Variants in GPLD1 observed in about 807,000 individuals in gnomAD.
The protein encoded by GPLD1 is phosphatidylinositol-glycan-specific phospholipase D.
In GPLD1, 84 loss-of-function variants were observed where a neutral mutation model predicts 112.6. That is an observed-to-expected ratio of 0.75 (90% CI 0.63 to 0.89). GPLD1 has a LOEUF of 0.89. Among genes scored for constraint, GPLD1 ranks in the 40% least tolerant of loss-of-function variants. GPLD1 has a pLI of 0.00. For synonymous variants in GPLD1, 386 were observed against 403.8 expected (o/e 0.96, Z 0.53); for missense variants, 1,044 against 1,051.5 (o/e 0.99, Z 0.10).
At position 24,426,562 on chromosome 6, in the gene GPLD1, C is replaced by T. The variant is rs74924371; in HGVS notation, c.*2470G>A. 2.7e-3 allele frequency among the ~76,000 whole-genome samples: 405 copies of T among 152,222 alleles called. 5 individuals are homozygous for T. The highest frequency in any genetic ancestry group is 8.4e-3 in the African/African-American group (349 of 41,540). On this transcript the variant is annotated 3_prime_UTR_variant, in exon 25 of 25. Transcript: ENST00000230036. ...TTCAGGCATTGAGAAAAATATAAAT[C>T]GTGAGGTAAATAATGGTCATGTTTA... is the stretch of plus-strand genomic sequence containing the variant.
chr6:24,431,476 T>TATA (rs1762402169), intron 24 of GPLD1, among the ~76,000 whole-genome samples: 2 of 152,212 alleles, frequency 1.3e-5, no homozygotes, highest in South Asian at 4.1e-4. Flanking sequence ...TTTTATTTCT[T>TATA]ATAGCCTATA....
At chr6:24,467,748 A>G (rs1003232063) in intron 7 of GPLD1, among the ~76,000 whole-genome samples, 15 of 152,218 alleles carry the variant, frequency 9.9e-5, no homozygotes, top group Non-Finnish European at 2.1e-4. Flanking sequence ...AGTATACAAA[A>G]AAGTATACCA....
At chr6:24,470,843 C>T (rs377503395) in intron 7 of GPLD1, among the ~76,000 whole-genome samples, 54 of 152,302 alleles carry the variant, frequency 3.5e-4, no homozygotes, top group African/African-American at 1.2e-3. Context: ...AGGTGATTCA[C>T]CTGCCTCACC....
chr6:24,446,739 T>C, intron 18 of GPLD1, 99 bp downstream of exon 18: 1 of 1,170,248 alleles, frequency 8.5e-7, no homozygotes, highest in Non-Finnish European at 1.2e-6. Context: ...AGTCAAGCAT[T>C]TCCTAGCCCT....
At chr6:24,469,599 A>C (rs1428414114) in intron 7 of GPLD1, among the ~76,000 whole-genome samples, 2 of 111,624 alleles carry the variant, frequency 1.8e-5, no homozygotes, top group East Asian at 2.9e-4. Context: ...GGACACAGGA[A>C]GGGGAATATC....
intron 13 of GPLD1, among the ~76,000 whole-genome samples, chr6:24,455,353 T>A (rs1048700759): frequency 6.6e-6 from 1 of 152,170 alleles, no homozygotes; most frequent in African/African-American, 2.4e-5. Context: ...CCCCATCTCC[T>A]GCACTAGAGC....
intron 12 of GPLD1, among the ~76,000 whole-genome samples, chr6:24,459,118 C>T (rs1763353408): frequency 6.6e-6 from 1 of 152,128 alleles, no homozygotes. Context: ...TGAAACTTTC[C>T]CAACCCACTA....
upstream of GPLD1, among the ~76,000 whole-genome samples, chr6:24,490,214 TGGAA>T (rs1764519501): frequency 6.6e-6 from 1 of 151,552 alleles, no homozygotes; most frequent in Non-Finnish European, 1.5e-5. Context: ...ACTTGGGAGG[TGGAA>T]GGAAGGGGGC....
At position 24,428,890 on chromosome 6, in the gene GPLD1, G is replaced by C. The variant is rs886512302; in HGVS notation, c.*142C>G. 12 of 530,788 alleles carry C rather than the reference G, an allele frequency of 2.3e-5. No individual in the cohort carries two copies. In the Admixed American group the frequency reaches 3.0e-4, roughly 13 times the overall value. The allele number at this position is 530,788 out of a possible 1,614,324, so 32.9% of individuals were successfully genotyped here. ...TTCCAGAGGGTGTGGCTGTTAGTGT[G>C]TCTCTCTACTCCCAGGAGCCCCATG... On this transcript the variant is annotated 3_prime_UTR_variant, in exon 25 of 25. Transcript: ENST00000230036.
chr6:24,457,299 G>C (rs1484160972), intron 12 of GPLD1, among the ~76,000 whole-genome samples: 2 of 152,070 alleles, frequency 1.3e-5, no homozygotes, highest in African/African-American at 4.8e-5. Flanking sequence ...GGGCAACATG[G>C]AGAAACCCCA....
chr6:24,431,249 C>CCCTGGTCCACAGGAA (rs1355258855), intron 24 of GPLD1, among the ~76,000 whole-genome samples: 2 of 152,332 alleles, frequency 1.3e-5, no homozygotes, highest in Non-Finnish European at 2.9e-5. Flanking sequence ...CCACCTTCCA[C>CCCTGGTCCACAGGAA]CCTGGTCCAC....
At chr6:24,456,969 C>A (rs1327928419) in intron 12 of GPLD1, among the ~76,000 whole-genome samples, 1 of 152,178 alleles carries the variant, frequency 6.6e-6, no homozygotes, top group Non-Finnish European at 1.5e-5. Flanking sequence ...CCCCTGGGTT[C>A]AAGCAATTCT....
chr6:24,462,498 C>T (rs1763469161), intron 11 of GPLD1, among the ~76,000 whole-genome samples: 1 of 152,186 alleles, frequency 6.6e-6, no homozygotes, highest in Non-Finnish European at 1.5e-5. Context: ...CACTGCATGT[C>T]ATCCACACCA....
At chr6:24,476,904 G>C (rs1764037893) in intron 3 of GPLD1, among the ~76,000 whole-genome samples, 1 of 152,060 alleles carries the variant, frequency 6.6e-6, no homozygotes, top group Non-Finnish European at 1.5e-5. Context: ...ATGCCTCATG[G>C]AGTGCCAAAT....
chr6:24,468,555 A>AT (rs141748600), intron 7 of GPLD1, among the ~76,000 whole-genome samples: 1 of 142,650 alleles, frequency 7.0e-6, no homozygotes, highest in South Asian at 2.2e-4. Flanking sequence ...TTATTTTTTT[A>AT]TTTTTATTTT....
intron 1 of GPLD1, among the ~76,000 whole-genome samples, chr6:24,487,604 G>C (rs112127585): frequency 2.0e-4 from 30 of 152,056 alleles, no homozygotes; most frequent in African/African-American, 6.5e-4. Context: ...TGTAGTTTTG[G>C]CAATTTCAAC....
intron 24 of GPLD1, among the ~76,000 whole-genome samples, chr6:24,432,469 TG>T (rs1458481790): frequency 1.3e-5 from 2 of 151,994 alleles, no homozygotes; most frequent in Admixed American, 1.3e-4. Flanking sequence ...GGCCTGGTGG[TG>T]GGCACCTGTA....
chr6:24,434,937 T>TG (rs1466730645), intron 22 of GPLD1, among the ~76,000 whole-genome samples: 1 of 151,494 alleles, frequency 6.6e-6, no homozygotes, highest in African/African-American at 2.4e-5. Flanking sequence ...CCCAAAGTGC[T>TG]GGGATTACAA....
intron 18 of GPLD1, 76 bp from the exon 19 acceptor site, chr6:24,445,907 G>A: frequency 9.8e-7 from 1 of 1,025,318 alleles, no homozygotes; most frequent in Non-Finnish European, 1.5e-6. Context: ...AGCAAGGAAA[G>A]GAAATGCACC....
Sources: gnomAD v4.1 joint callset for allele counts (sites outside exome capture counted in the v4.1 genomes callset) on GRCh38, gnomAD v4.1.1 for gene constraint, MANE v1.5 for transcripts, NCBI Gene and HGNC (gene_info 2026-07-23, HGNC 2026-07-21) for gene names.